Variants in CHD7 observed in about 807,000 individuals in gnomAD.
CHD7 encodes the protein ATP-dependent chromatin remodeler CHD7.
CHD7 carries 24 observed loss-of-function variants against 307.3 expected under a neutral mutation model. The ratio of observed to expected loss-of-function variants is 0.08; its 90% CI spans 0.06 to 0.11. The LOEUF is 0.11. Among genes scored for constraint, CHD7 ranks in the 10% least tolerant of loss-of-function variants. The pLI, the probability that CHD7 is intolerant of heterozygous loss-of-function variation, is 1.00. For synonymous variants in CHD7, 1,363 were observed against 1,349.9 expected (o/e 1.01, Z -0.21); for missense variants, 3,106 against 3,727.1 (o/e 0.83, Z 4.34).
At chr8:60,850,957 T>C in intron 26 of CHD7, 75 bp from the exon 27 acceptor site, 2 of 1,048,930 alleles carry the variant, frequency 1.9e-6, no homozygotes, top group East Asian at 5.2e-5. Flanking sequence ...AGATTATTAC[T>C]CTTTCCTACC....
intron 7 of CHD7, among the ~76,000 whole-genome samples, chr8:60,813,223 CA>C (rs1483689470): frequency 6.6e-6 from 1 of 152,120 alleles, no homozygotes; most frequent in African/African-American, 2.4e-5. Context: ...TGAATGAAGA[CA>C]ATATGTTGGC....
intron 2 of CHD7, among the ~76,000 whole-genome samples, chr8:60,753,704 A>T (rs1304632442): frequency 6.6e-6 from 1 of 151,488 alleles, no homozygotes; most frequent in Non-Finnish European, 1.5e-5. Context: ...GGCTCACTGC[A>T]GACTCCATCT....
chr8:60,801,654 G>T, intron 6 of CHD7, 61 bp downstream of exon 6: 1 of 1,061,450 alleles, frequency 9.4e-7, no homozygotes, highest in African/African-American at 1.6e-5. Context: ...AGGATTGTTG[G>T]CTTTGTAATT....
chr8:60,736,844 T>C (rs568399891), intron 1 of CHD7, among the ~76,000 whole-genome samples: 1 of 152,292 alleles, frequency 6.6e-6, no homozygotes, highest in African/African-American at 2.4e-5. Flanking sequence ...CCTTGCTAGG[T>C]TTCTAGTCCA....
intron 2 of CHD7, among the ~76,000 whole-genome samples, chr8:60,752,216 G>A (rs763523442): frequency 4.6e-5 from 7 of 152,192 alleles, no homozygotes; most frequent in Non-Finnish European, 8.8e-5. Context: ...GTGTAAGCAA[G>A]TGTTATTAAT....
Position 60,827,258 on chromosome 8 carries a change from AAAAG to A in CHD7, c.3379-1400_3379-1397del, listed in dbSNP as rs1291837114. 2.9e-4 allele frequency among the ~76,000 whole-genome samples: 43 copies of A among 150,542 alleles called. 1 individual carries two copies. The highest frequency in any genetic ancestry group is 7.8e-4 in the African/African-American group (31 of 39,940). On this transcript the variant is annotated intron_variant, in intron 13 of 37. Transcript: ENST00000423902. ...AAACTTAAAGTATAATAAAAAAAAA[AAAAG>A]AAAGGAGTTCTTTCCTTTTTTCGAA...
Position 60,836,170 on chromosome 8 carries a change from A to T in CHD7, c.3876A>T (p.Leu1292=), listed in dbSNP as rs1391361354. ...CAATGATCCAGGCTGCTGGCAAGCTAGTGCTGATTGACAAGCTGCTGCCAA... is the reference window on the plus strand; with the variant it reads ...CAATGATCCAGGCTGCTGGCAAGCTTGTGCTGATTGACAAGCTGCTGCCAA... ...LQAMIQAAGK[L]VLIDKLLPKL... The change falls in exon 16 of 38, where the codon CTA becomes CTT. Residue 1292 remains leucine (L), a synonymous_variant. Coordinates refer to ENST00000423902, the MANE Select transcript of CHD7 (RefSeq NM_017780.4). 1.9e-6 allele frequency: 3 copies of T among 1,613,874 alleles called. No homozygotes were observed. In the African/African-American group the frequency reaches 4.0e-5, roughly 21 times the overall value.
Position 60,856,654 on chromosome 8 carries a change from T to G in CHD7, c.7374T>G (p.Phe2458Leu). ...SREATSSTSNFSSLSSKFILP... is the reference protein window; with the variant it reads ...SREATSSTSNLSSLSSKFILP... ...AGGCAACAAGCTCTACCTCAAATTTTTCATCTCTTTCTTCAAAGTTTATCT... is the reference window on the plus strand; with the variant it reads ...AGGCAACAAGCTCTACCTCAAATTTGTCATCTCTTTCTTCAAAGTTTATCT... The change falls in exon 34 of 38, where the codon TTT (phenylalanine) becomes TTG (leucine). Residue 2458 changes from phenylalanine (F) to leucine (L), a missense_variant. Physicochemically the swap from Phe to Leu is conservative, Grantham distance 22. Transcript: ENST00000423902. The G allele has an allele frequency of 6.2e-7, 1 of 1,614,014 alleles. No individual in the cohort carries two copies. Among genetic ancestry groups the G allele is most frequent in the East Asian group, 2.2e-5 (1 of 44,884 alleles).
intron 3 of CHD7, among the ~76,000 whole-genome samples, chr8:60,791,581 A>G (rs1811774053): frequency 6.6e-6 from 1 of 152,210 alleles, no homozygotes; most frequent in African/African-American, 2.4e-5. Flanking sequence ...TGAGTTTGAC[A>G]TTATAAAAGA....
At chr8:60,864,874 A>C in intron 37 of CHD7, 142 bp from the exon 38 acceptor site, 1 of 830,264 alleles carries the variant, frequency 1.2e-6, no homozygotes, top group South Asian at 1.9e-5. Flanking sequence ...GCTGTCATTA[A>C]GTTTTATCAT....
At chr8:60,822,829 G>T in intron 12 of CHD7, 83 bp downstream of exon 12, 1 of 1,349,204 alleles carries the variant, frequency 7.4e-7, no homozygotes, top group Non-Finnish European at 9.8e-7. Flanking sequence ...TGGTGACTTG[G>T]GAAGGTCTAA....
chr8:60,862,037 CT>C, intron 35 of CHD7, 158 bp from the exon 36 acceptor site: 1 of 599,306 alleles, frequency 1.7e-6, no homozygotes, highest in South Asian at 3.4e-5. Context: ...GGAGTTTTTT[CT>C]TTCAAAGAGA....
Position 60,742,775 on chromosome 8 carries a change from G to A in CHD7, c.1343G>A (p.Arg448Lys). Residue 448 changes from arginine to lysine, a missense_variant, in exon 2 of 38, where the codon AGG becomes AAG. Physicochemically the swap from Arg to Lys is conservative, Grantham distance 26. This residue lies in a region of CHD7 where 998 missense variants were observed against 1,004.5 expected (regional missense o/e 0.99). Coordinates refer to ENST00000423902, the MANE Select transcript of CHD7 (RefSeq NM_017780.4). ...QPPGAMGIGQ[R>K]NMGPRNMQQS... is the part of the protein sequence containing the mutation. ...CCTGGTGCCATGGGAATCGGACAGA[G>A]GAATATGGGCCCCAGAAACATGCAG... 6.2e-7 allele frequency: 1 copy of A among 1,614,060 alleles called. No homozygotes were observed. Among genetic ancestry groups the A allele is most frequent in the East Asian group, 2.2e-5 (1 of 44,882 alleles).
intron 12 of CHD7, among the ~76,000 whole-genome samples, chr8:60,823,534 G>A (rs1393410491): frequency 6.6e-6 from 1 of 152,122 alleles, no homozygotes; most frequent in Admixed American, 6.5e-5. Context: ...TTAGATTTGG[G>A]AAATTATTAT....
At chr8:60,731,004 T>G (rs1808426919) in intron 1 of CHD7, among the ~76,000 whole-genome samples, 1 of 152,200 alleles carries the variant, frequency 6.6e-6, no homozygotes, top group Non-Finnish European at 1.5e-5. Context: ...CTGTCCAGCA[T>G]ACCCACACTG....
chr8:60,808,121 A>G (rs951393642), intron 6 of CHD7, 96 bp from the exon 7 acceptor site: 2 of 840,596 alleles, frequency 2.4e-6, no homozygotes, highest in South Asian at 1.5e-5. Flanking sequence ...TGCTCTTTTC[A>G]GTCCTATTTT....
chr8:60,822,007 T>A lies in CHD7; in HGVS notation c.2836-17T>A, dbSNP rs754218821. 6.2e-7 allele frequency: 1 copy of A among 1,613,722 alleles called. No individual in the cohort carries two copies. Reference sequence around the variant, plus strand: ...TCTTTGGGAAACCACTAATGGGATTTACTATATTTGAAACAGGAGCGACCT... The same window carrying A: ...TCTTTGGGAAACCACTAATGGGATTAACTATATTTGAAACAGGAGCGACCT... On this transcript the variant is annotated splice_polypyrimidine_tract_variant and intron_variant, in intron 10 of 37. Transcript: ENST00000423902.
intron 23 of CHD7, 127 bp from the exon 24 acceptor site, chr8:60,848,388 C>A: frequency 3.1e-6 from 2 of 637,100 alleles, no homozygotes; most frequent in Non-Finnish European, 2.8e-6. Context: ...ACGCTTCAAG[C>A]CTACCATACA....
intron 21 of CHD7, among the ~76,000 whole-genome samples, chr8:60,843,862 C>G (rs1383050308): frequency 6.6e-6 from 1 of 152,202 alleles, no homozygotes; most frequent in Non-Finnish European, 1.5e-5. Context: ...GTTCCAAGGC[C>G]TAGCAGTGAG....
Sources: allele counts gnomAD v4.1 joint callset (sites outside exome capture counted in the v4.1 genomes callset), GRCh38; gene constraint gnomAD v4.1.1; regional missense constraint gnomAD v4.1.1; transcripts MANE v1.5; gene names NCBI Gene and HGNC (gene_info 2026-07-23, HGNC 2026-07-21).